CFAP210: variants seen among roughly 807,000 people sequenced by gnomAD.
The protein encoded by CFAP210 is cilia and flagella associated protein 210, also known as cilia- and flagella- associated protein 210.
chr2:169,675,436 T>C, the CFAP210 span, among the ~76,000 whole-genome samples: 7 of 152,124 alleles, frequency 4.6e-5, no homozygotes, highest in East Asian at 5.8e-4. Context: ...AAACTTACAA[T>C]TGTGGCGGAA....
At chr2:169,661,288 T>C in the CFAP210 span, 1 of 540,442 alleles carries the variant, frequency 1.9e-6, no homozygotes, top group Non-Finnish European at 3.7e-6. Context: ...GCCGTTTGCA[T>C]CTTTTAATAC....
At chr2:169,692,444 G>GCGCACGCA in the CFAP210 span, among the ~76,000 whole-genome samples, 1 of 143,668 alleles carries the variant, frequency 7.0e-6, no homozygotes, top group Non-Finnish European at 1.5e-5. Context: ...ACAGGCGCAC[G>GCGCACGCA]CACACACACA....
chr2:169,648,431 C>T, the CFAP210 span, among the ~76,000 whole-genome samples: 1 of 135,372 alleles, frequency 7.4e-6, no homozygotes, highest in African/African-American at 3.0e-5. Flanking sequence ...CTTAACCATG[C>T]TTAAAATGGT....
the CFAP210 span, among the ~76,000 whole-genome samples, chr2:169,683,749 T>G: frequency 6.6e-6 from 1 of 152,166 alleles, no homozygotes; most frequent in Non-Finnish European, 1.5e-5. Context: ...TCTCAAATCT[T>G]TAGTAGAGTT....
the CFAP210 span, among the ~76,000 whole-genome samples, chr2:169,656,498 G>GGGA: frequency 2.1e-4 from 32 of 149,990 alleles, no homozygotes; most frequent in Middle Eastern, 6.8e-3. Context: ...AAGGAGGTGC[G>GGGA]GGAGGAGGAG....
At chr2:169,645,905 T>A in the CFAP210 span, 17 of 1,613,742 alleles carry the variant, frequency 1.1e-5, no homozygotes, top group Non-Finnish European at 1.4e-5. Context: ...CTGAGAGTTA[T>A]AAAAAGGGAG....
At chr2:169,645,865 CTT>C in the CFAP210 span, 1 of 1,612,430 alleles carries the variant, frequency 6.2e-7, no homozygotes, top group African/African-American at 1.3e-5. Context: ...CTAGCCTTCT[CTT>C]TGACTTTTGA....
chr2:169,692,988 C>T, the CFAP210 span, among the ~76,000 whole-genome samples: 6,949 of 152,230 alleles, frequency 0.046, 542 homozygotes, highest in African/African-American at 0.16. Context: ...CTTTAGTAAA[C>T]ACTCTACAAA....
At chr2:169,673,288 C>T in the CFAP210 span, among the ~76,000 whole-genome samples, 2 of 152,208 alleles carry the variant, frequency 1.3e-5, no homozygotes, top group African/African-American at 2.4e-5. Context: ...GGTGTTAGCA[C>T]TTGCCAGGTA....
At chr2:169,654,034 A>G in the CFAP210 span, 1 of 1,533,436 alleles carries the variant, frequency 6.5e-7, no homozygotes, top group Non-Finnish European at 8.8e-7. Flanking sequence ...AATCATAATA[A>G]TTTCAGATAG....
chr2:169,658,136 T>C, the CFAP210 span: 1 of 152,154 alleles, frequency 6.6e-6, no homozygotes, highest in East Asian at 1.9e-4. Flanking sequence ...TAGAAAGTAA[T>C]ATTCTATGCA....
chr2:169,650,364 C>A, the CFAP210 span: 1 of 1,597,204 alleles, frequency 6.3e-7, no homozygotes, highest in Admixed American at 1.8e-5. Context: ...GTTTTTAATT[C>A]TGCTTTGTTT....
At chr2:169,683,597 G>A in the CFAP210 span, among the ~76,000 whole-genome samples, 2 of 152,284 alleles carry the variant, frequency 1.3e-5, no homozygotes, top group East Asian at 3.9e-4. Flanking sequence ...ATTCTAAAGA[G>A]GGTCAGTATA....
At chr2:169,681,741 T>A in the CFAP210 span, among the ~76,000 whole-genome samples, 1 of 152,332 alleles carries the variant, frequency 6.6e-6, no homozygotes, top group East Asian at 1.9e-4. Context: ...AACACTTGTA[T>A]CTCCATTGTC....
chr2:169,648,459 T>G, the CFAP210 span, among the ~76,000 whole-genome samples: 1 of 152,116 alleles, frequency 6.6e-6, no homozygotes, highest in Non-Finnish European at 1.5e-5. Context: ...ATGTTATGTA[T>G]ATTTTACCAC....
At chr2:169,683,303 C>T in the CFAP210 span, among the ~76,000 whole-genome samples, 22 of 152,156 alleles carry the variant, frequency 1.4e-4, no homozygotes, top group Admixed American at 2.6e-4. Context: ...ACAGCAGTTA[C>T]GATAAAAAGA....
the CFAP210 span, among the ~76,000 whole-genome samples, chr2:169,687,149 C>T: frequency 2.6e-5 from 4 of 152,272 alleles, no homozygotes; most frequent in East Asian, 3.9e-4. Context: ...CCTCCCACAA[C>T]GTGTAGGAAT....
chr2:169,659,628 C>T, the CFAP210 span, among the ~76,000 whole-genome samples: 1 of 152,308 alleles, frequency 6.6e-6, no homozygotes, highest in South Asian at 2.1e-4. Flanking sequence ...CACTTGGGAT[C>T]ACAATTCAAC....
At chr2:169,690,238 A>G in the CFAP210 span, among the ~76,000 whole-genome samples, 1 of 152,128 alleles carries the variant, frequency 6.6e-6, no homozygotes, top group Non-Finnish European at 1.5e-5. Flanking sequence ...TTTTCTTGTG[A>G]TATCTTTGTC....
Sources: gnomAD v4.1 joint callset for allele counts (sites outside exome capture counted in the v4.1 genomes callset) on GRCh38, gnomAD v4.1.1 for gene constraint, MANE v1.5 for transcripts, NCBI Gene and HGNC (gene_info 2026-07-23, HGNC 2026-07-21) for gene names.